The following ARHGAP42 variants were observed in gnomAD, a reference collection of about 807,000 sequenced individuals.
ARHGAP42 encodes rho GTPase-activating protein 42.
ARHGAP42 carries 63 observed loss-of-function variants against 125.0 expected under a neutral mutation model. That is an observed-to-expected ratio of 0.50 (90% CI 0.41 to 0.62). The LOEUF is 0.62. ARHGAP42 is among the 20% of genes least tolerant of loss of function. The pLI, the probability that ARHGAP42 is intolerant of heterozygous loss-of-function variation, is 0.00. For synonymous variants in ARHGAP42, 339 were observed against 351.0 expected, an observed-to-expected ratio of 0.97 and a Z score of 0.38; for missense variants, 766 against 1,024.2, an observed-to-expected ratio of 0.75 and a Z score of 3.44.
At chr11:100,893,150 C>T (rs1866261552) in intron 4 of ARHGAP42, among the ~76,000 whole-genome samples, 1 of 108,710 alleles carries the variant, frequency 9.2e-6, no homozygotes, top group African/African-American at 3.4e-5. Flanking sequence ...CTCAGAGAAA[C>T]ATTTAGGGGT....
At chr11:100,783,782 G>C (rs1863369925) in intron 2 of ARHGAP42, among the ~76,000 whole-genome samples, 1 of 152,166 alleles carries the variant, frequency 6.6e-6, no homozygotes, top group South Asian at 2.1e-4. Context: ...TGATATACAA[G>C]GTGTGACTTA....
At chr11:100,824,496 G>A (rs1311280501) in intron 3 of ARHGAP42, among the ~76,000 whole-genome samples, 1 of 152,116 alleles carries the variant, frequency 6.6e-6, no homozygotes, top group Non-Finnish European at 1.5e-5. Flanking sequence ...TATTGCACTA[G>A]CTTCTACACT....
chr11:100,746,513 C>T (rs576864217), intron 1 of ARHGAP42, among the ~76,000 whole-genome samples: 21 of 152,342 alleles, frequency 1.4e-4, no homozygotes, highest in Non-Finnish European at 1.0e-4. Context: ...AACGTGTGGA[C>T]GGAATATTAA....
At chr11:100,770,548 A>G in intron 2 of ARHGAP42, 110 bp downstream of exon 2, 1 of 821,414 alleles carries the variant, frequency 1.2e-6, no homozygotes. Context: ...CTTTGACAAT[A>G]CTATAAGAGT....
chr11:100,861,835 C>CA (rs1450479279), intron 4 of ARHGAP42, among the ~76,000 whole-genome samples: 1 of 152,088 alleles, frequency 6.6e-6, no homozygotes, highest in East Asian at 1.9e-4. Flanking sequence ...GAATTAGAAA[C>CA]AAACATTTGG....
chr11:100,710,548 T>TTTC (rs1449124412), intron 1 of ARHGAP42, among the ~76,000 whole-genome samples: 1 of 130,072 alleles, frequency 7.7e-6, no homozygotes, highest in Non-Finnish European at 1.6e-5. Flanking sequence ...GTTTTTTTTT[T>TTTC]TTTTTTTTTG....
At chr11:100,753,348 C>T (rs1323118741) in intron 1 of ARHGAP42, among the ~76,000 whole-genome samples, 6 of 152,146 alleles carry the variant, frequency 3.9e-5, no homozygotes, top group Non-Finnish European at 7.3e-5. Flanking sequence ...AGCTGAATTC[C>T]AGGCCGTCTT....
chr11:100,698,534 G>A (rs191462609), intron 1 of ARHGAP42, among the ~76,000 whole-genome samples: 36 of 152,198 alleles, frequency 2.4e-4, no homozygotes, highest in African/African-American at 8.7e-4. Context: ...AATTAGCCGG[G>A]CATGGTGGCG....
Position 100,929,831 on chromosome 11 carries a change from A to C in ARHGAP42, c.598-3325A>C, listed in dbSNP as rs190707658. On this transcript the variant is annotated intron_variant, in intron 6 of 23. Transcript: ENST00000298815. Reference sequence around the variant, plus strand: ...CCTTATGGGATAAATGATTTTTGTAAATATATTCTCCCATTCTGTGAGTTT... The same window carrying C: ...CCTTATGGGATAAATGATTTTTGTACATATATTCTCCCATTCTGTGAGTTT... Among the ~76,000 whole-genome samples the C allele has an allele frequency of 7.3e-3, 1,108 of 152,204 alleles. 18 individuals are homozygous for C. Among genetic ancestry groups the C allele is most frequent in the African/African-American group, 0.025 (1,037 of 41,530 alleles).
At chr11:100,870,625 A>G (rs900885602) in intron 4 of ARHGAP42, among the ~76,000 whole-genome samples, 14 of 152,232 alleles carry the variant, frequency 9.2e-5, no homozygotes, top group African/African-American at 2.7e-4. Context: ...ATGGTGAGAA[A>G]TATTCTAAAG....
chr11:100,703,362 G>T (rs1861428985), intron 1 of ARHGAP42, among the ~76,000 whole-genome samples: 1 of 152,062 alleles, frequency 6.6e-6, no homozygotes, highest in Admixed American at 6.6e-5. Flanking sequence ...TGGAAAGAAT[G>T]CATAATAACA....
intron 4 of ARHGAP42, among the ~76,000 whole-genome samples, chr11:100,869,262 A>G (rs1241410957): frequency 6.6e-6 from 1 of 152,170 alleles, no homozygotes; most frequent in Non-Finnish European, 1.5e-5. Flanking sequence ...TTTTTCAGAC[A>G]GAAAGATGAA....
chr11:100,731,412 G>C (rs963972531), intron 1 of ARHGAP42, among the ~76,000 whole-genome samples: 1 of 152,126 alleles, frequency 6.6e-6, no homozygotes, highest in African/African-American at 2.4e-5. Flanking sequence ...GACTCCTAGA[G>C]TGCAGGGATT....
chr11:100,755,348 A>G (rs1862547751), intron 1 of ARHGAP42, among the ~76,000 whole-genome samples: 1 of 152,230 alleles, frequency 6.6e-6, no homozygotes, highest in Non-Finnish European at 1.5e-5. Flanking sequence ...TCTGAATGTG[A>G]ATGTGAGTCT....
intron 1 of ARHGAP42, among the ~76,000 whole-genome samples, chr11:100,734,072 T>C (rs149009293): frequency 0.12 from 18,207 of 149,942 alleles, 1,226 homozygotes; most frequent in East Asian, 0.26. Context: ...GTAGCTGGGA[T>C]TACAGGCACC....
At chr11:100,876,203 AT>A (rs1375317474) in intron 4 of ARHGAP42, among the ~76,000 whole-genome samples, 1 of 152,238 alleles carries the variant, frequency 6.6e-6, no homozygotes. Context: ...CCTTGAACAA[AT>A]TTGTGGCTGA....
intron 1 of ARHGAP42, among the ~76,000 whole-genome samples, chr11:100,753,070 G>A (rs968176236): frequency 3.3e-5 from 5 of 152,140 alleles, no homozygotes; most frequent in Admixed American, 6.5e-5. Flanking sequence ...AAGTTACCAG[G>A]GCAGGTTGAG....
At chr11:100,752,297 G>T (rs533853529) in intron 1 of ARHGAP42, among the ~76,000 whole-genome samples, 1 of 152,178 alleles carries the variant, frequency 6.6e-6, no homozygotes, top group East Asian at 1.9e-4. Flanking sequence ...AGGGGTAAAA[G>T]AAGTTCCCTT....
At chr11:100,802,620 A>T (rs550797554) in intron 3 of ARHGAP42, among the ~76,000 whole-genome samples, 1 of 102,590 alleles carries the variant, frequency 9.7e-6, no homozygotes, top group Non-Finnish European at 2.0e-5. Context: ...TTTAGTAGAG[A>T]TGAGGTTTCA....
Sources: gnomAD v4.1 joint callset for allele counts (sites outside exome capture counted in the v4.1 genomes callset) on GRCh38, gnomAD v4.1.1 for gene constraint, MANE v1.5 for transcripts, NCBI Gene and HGNC (gene_info 2026-07-23, HGNC 2026-07-21) for gene names.